Variants in GREM2 observed in about 807,000 individuals in gnomAD.
The protein encoded by GREM2 is gremlin-2.
GREM2 carries 11 observed loss-of-function variants against 14.2 expected under a neutral mutation model. The observed-to-expected ratio is 0.78, with a 90% CI of 0.49 to 1.28. The LOEUF (loss-of-function observed/expected upper bound fraction) is 1.28. Among genes scored for constraint, GREM2 ranks in the 50% most tolerant of loss-of-function variants. The pLI is 0.00. For missense variants in GREM2, 210 were observed against 218.5 expected (o/e 0.96, Z 0.24); for synonymous variants, 98 against 97.6 (o/e 1.00, Z -0.02).
intron 1 of GREM2, among the ~76,000 whole-genome samples, chr1:240,529,475 C>G (rs79628532): frequency 0.045 from 6,896 of 151,916 alleles, 551 homozygotes; most frequent in African/African-American, 0.16. Flanking sequence ...GAAATGACTT[C>G]CCAGAAGAAT....
Position 240,540,441 on chromosome 1 carries a change from G to A in GREM2, c.-1-46965C>T, listed in dbSNP as rs1678560842. 6.6e-6 allele frequency among the ~76,000 whole-genome samples: 1 copy of A among 152,164 alleles called. No individual in the cohort carries two copies. The highest frequency in any genetic ancestry group is 1.5e-5 in the Non-Finnish European group (1 of 68,026). ...GATCAGGGGATTTGTCCTTGAATGG[G>A]CTGTTTCCTAGAGCACATATTGATT... On this transcript the variant is annotated intron_variant, in intron 1 of 1. Coordinates refer to ENST00000318160, the MANE Select transcript of GREM2 (RefSeq NM_022469.4). The surrounding 1 kb of genome is among the most constrained non-coding windows in gnomAD (Gnocchi z 4.2).
intron 1 of GREM2, among the ~76,000 whole-genome samples, chr1:240,528,821 G>C (rs999121274): frequency 1.3e-5 from 2 of 152,040 alleles, no homozygotes; most frequent in Admixed American, 6.6e-5. Context: ...CTTTATATCC[G>C]AGTAGAGCTT....
intron 1 of GREM2, among the ~76,000 whole-genome samples, chr1:240,597,010 C>T (rs1422690507): frequency 6.6e-6 from 1 of 152,206 alleles, no homozygotes; most frequent in Non-Finnish European, 1.5e-5. Flanking sequence ...TTCTCATGAA[C>T]TGAAATTCAG....
chr1:240,528,266 G>A (rs1678269985), intron 1 of GREM2, among the ~76,000 whole-genome samples: 1 of 152,034 alleles, frequency 6.6e-6, no homozygotes, highest in South Asian at 2.1e-4. Context: ...ATTTCTTATG[G>A]GACTTTGACT....
chr1:240,597,047 G>A lies in GREM2; in HGVS notation c.-2+14837C>T, dbSNP rs559533326. Among the ~76,000 whole-genome samples the A allele has an allele frequency of 3.9e-4, 60 of 152,264 alleles. 1 individual carries two copies. In the South Asian group the frequency reaches 0.012, roughly 30 times the overall value. ...CAGTGCCAGATAGGAAACCAGAAACGGAGTATTACTACTCTACTGTGGCGC... is the reference window on the plus strand; with the variant it reads ...CAGTGCCAGATAGGAAACCAGAAACAGAGTATTACTACTCTACTGTGGCGC... On this transcript the variant is annotated intron_variant, in intron 1 of 1. Coordinates refer to ENST00000318160, the MANE Select transcript of GREM2 (RefSeq NM_022469.4).
chr1:240,506,332 C>T (rs181755141), intron 1 of GREM2, among the ~76,000 whole-genome samples: 28 of 152,228 alleles, frequency 1.8e-4, no homozygotes, highest in Middle Eastern at 3.4e-3. Flanking sequence ...TCAGAACAGT[C>T]TATTAGCTAA....
chr1:240,568,394 G>T (rs1039018144), intron 1 of GREM2, among the ~76,000 whole-genome samples: 1 of 151,956 alleles, frequency 6.6e-6, no homozygotes, highest in Non-Finnish European at 1.5e-5. Flanking sequence ...TCAATCCAAA[G>T]AAGACAGAAA....
chr1:240,537,009 A>G (rs1044130922), intron 1 of GREM2, among the ~76,000 whole-genome samples: 1 of 152,236 alleles, frequency 6.6e-6, no homozygotes, highest in Admixed American at 6.5e-5. Context: ...GGAATGACCA[A>G]TTAATTCCTA....
At chr1:240,602,690 C>T (rs746421012) in intron 1 of GREM2, among the ~76,000 whole-genome samples, 1 of 151,702 alleles carries the variant, frequency 6.6e-6, no homozygotes, top group Non-Finnish European at 1.5e-5. Context: ...GTGACAGAGC[C>T]TGTAATCCCA....
chr1:240,572,327 C>T (rs918176003), intron 1 of GREM2, among the ~76,000 whole-genome samples: 7 of 152,186 alleles, frequency 4.6e-5, no homozygotes, highest in Admixed American at 3.3e-4. Context: ...TCATTTTAAT[C>T]ACCTCTAAAG....
At chr1:240,602,702 G>A (rs1345762336) in intron 1 of GREM2, among the ~76,000 whole-genome samples, 2 of 151,582 alleles carry the variant, frequency 1.3e-5, no homozygotes, top group East Asian at 3.9e-4. Flanking sequence ...GTAATCCCAG[G>A]TACTTGGGAG....
intron 1 of GREM2, among the ~76,000 whole-genome samples, chr1:240,513,667 A>C (rs1196231905): frequency 4.6e-5 from 7 of 151,834 alleles, no homozygotes. Flanking sequence ...AGAGATGGGG[A>C]TACGGCAGAT....
chr1:240,516,200 A>G (rs893119380), intron 1 of GREM2, among the ~76,000 whole-genome samples: 10 of 151,562 alleles, frequency 6.6e-5, no homozygotes, highest in East Asian at 3.9e-4. Context: ...GGCTCAAGCA[A>G]TTATCCCACC....
intron 1 of GREM2, among the ~76,000 whole-genome samples, chr1:240,592,681 C>T (rs1454283053): frequency 5.9e-5 from 9 of 152,130 alleles, no homozygotes; most frequent in Admixed American, 5.9e-4. Flanking sequence ...TGCTCGCCAT[C>T]GCAGAGACAG....
At chr1:240,518,455 G>A (rs974459021) in intron 1 of GREM2, among the ~76,000 whole-genome samples, 3 of 152,142 alleles carry the variant, frequency 2.0e-5, no homozygotes, top group South Asian at 4.1e-4. Context: ...CTTGATAAAT[G>A]TACTTGCTTT....
intron 1 of GREM2, among the ~76,000 whole-genome samples, chr1:240,503,106 A>G (rs1259492967): frequency 1.3e-5 from 2 of 152,220 alleles, no homozygotes; most frequent in East Asian, 3.9e-4. Context: ...TGCAGTATAG[A>G]GCACAAAATG....
intron 1 of GREM2, among the ~76,000 whole-genome samples, chr1:240,557,604 CA>C (rs1678974389): frequency 6.6e-6 from 1 of 151,990 alleles, no homozygotes; most frequent in African/African-American, 2.4e-5. Context: ...TATTCATTTA[CA>C]ATCTATTAAT....
In GREM2 at chr1:240,596,455, G is replaced by A. The variant is rs191333438; in HGVS notation, c.-2+15429C>T. 2.6e-5 allele frequency among the ~76,000 whole-genome samples: 4 copies of A among 152,276 alleles called. No individual in the cohort carries two copies. In the East Asian group the frequency reaches 7.7e-4, roughly 29 times the overall value. ...TTCACTCCTGTAATCCCAGCACTTT[G>A]GGAGGCTGAGGCAGGTGGATCACCT... is the stretch of plus-strand genomic sequence containing the variant. On this transcript the variant is annotated intron_variant, in intron 1 of 1. Coordinates refer to ENST00000318160, the MANE Select transcript of GREM2 (RefSeq NM_022469.4).
At chr1:240,520,131 A>G (rs1678050587) in intron 1 of GREM2, among the ~76,000 whole-genome samples, 1 of 151,316 alleles carries the variant, frequency 6.6e-6, no homozygotes, top group African/African-American at 2.4e-5. Flanking sequence ...CATCAAAACT[A>G]TAATCCGGAA....
Sources: gnomAD v4.1 joint callset for allele counts (sites outside exome capture counted in the v4.1 genomes callset) on GRCh38, gnomAD v4.1.1 for gene constraint, Gnocchi (gnomAD v3.1) non-coding constraint, MANE v1.5 for transcripts, NCBI Gene and HGNC (gene_info 2026-07-23, HGNC 2026-07-21) for gene names.